The following TDRD3 variants were observed in gnomAD, a reference collection of about 807,000 sequenced individuals.
The protein encoded by TDRD3 is tudor domain containing 3, also known as tudor domain-containing protein 3.
TDRD3 carries 45 observed loss-of-function variants against 86.7 expected under a neutral mutation model. The ratio of observed to expected loss-of-function variants is 0.52; its 90% CI spans 0.41 to 0.67. The LOEUF is 0.67. Ranked by LOEUF, TDRD3 falls within the 30% of genes least tolerant of loss-of-function variation. The pLI, the probability that TDRD3 is intolerant of heterozygous loss-of-function variation, is 0.00. For synonymous variants in TDRD3, 298 were observed against 301.7 expected (o/e 0.99, Z 0.13); for missense variants, 814 against 889.0 (o/e 0.92, Z 1.07).
chr13:60,451,583 A>G (rs1955543363), intron 3 of TDRD3, among the ~76,000 whole-genome samples: 1 of 152,132 alleles, frequency 6.6e-6, no homozygotes. Flanking sequence ...TATTTTACCA[A>G]CACACCTCTG....
chr13:60,528,460 A>C lies in TDRD3; in HGVS notation c.1235A>C (p.His412Pro). ...NGVKDNNHLR[H>P]PPRNDTRQPR... Reference sequence around the variant, plus strand: ...GTAAAAGATAATAATCATCTGAGACATCCTCCTCGAAATGATACCAGGCAG... The same window carrying C: ...GTAAAAGATAATAATCATCTGAGACCTCCTCCTCGAAATGATACCAGGCAG... The change falls in exon 11 of 14, where the codon CAT (histidine) becomes CCT (proline). Residue 412 changes from histidine (H) to proline (P), a missense_variant. Coordinates refer to ENST00000377881, the MANE Select transcript of TDRD3 (RefSeq NM_001146070.2). The C allele has an allele frequency of 6.2e-7, 1 of 1,614,052 alleles. No individual in the cohort carries two copies. The highest frequency in any genetic ancestry group is 8.5e-7 in the Non-Finnish European group (1 of 1,179,956).
rs943316341 is a variant in TDRD3 at position 60,494,293 on chromosome 13, A to T, written c.718-142A>T. ...GTAGATATTTTTGCTATTCAAAAGG[A>T]GTAAGTTAATATTTTATTTTTTCAT... On this transcript the variant is annotated intron_variant, in intron 7 of 13. Coordinates refer to ENST00000377881, the MANE Select transcript of TDRD3 (RefSeq NM_001146070.2). The T allele has an allele frequency of 4.5e-6, 4 of 892,546 alleles. No individual in the cohort carries two copies. In the African/African-American group the frequency reaches 6.7e-5, roughly 15 times the overall value. 55.3% of individuals were successfully genotyped at this position (892,546 alleles called of 1,614,324 possible).
intron 12 of TDRD3, chr13:60,547,514 G>T (rs890603775): frequency 5.4e-6 from 3 of 555,812 alleles, no homozygotes; most frequent in Non-Finnish European, 4.6e-6. Flanking sequence ...ATATCTCTGG[G>T]TCCCAGTTTC....
intron 8 of TDRD3, among the ~76,000 whole-genome samples, chr13:60,508,426 G>A (rs950571251): frequency 6.6e-6 from 1 of 152,034 alleles, no homozygotes; most frequent in Non-Finnish European, 1.5e-5. Flanking sequence ...CAAATATATA[G>A]ACCAATGGAA....
intron 8 of TDRD3, among the ~76,000 whole-genome samples, chr13:60,504,836 G>T (rs115666509): frequency 7.4e-4 from 112 of 152,300 alleles, no homozygotes; most frequent in African/African-American, 2.5e-3. Flanking sequence ...AGCACAAGGG[G>T]TCGGGGAACT....
rs746242117 is a variant in TDRD3 at position 60,528,565 on chromosome 13, GA to G, written c.1343del (p.Asn448IlefsTer40). 1 of 1,614,006 alleles carries G rather than the reference GA, an allele frequency of 6.2e-7. No homozygotes were observed. Among genetic ancestry groups the G allele is most frequent in the Non-Finnish European group, 8.5e-7 (1 of 1,179,944 alleles). On this transcript the variant is annotated frameshift_variant, in exon 11 of 14. Transcript: ENST00000377881. LOFTEE classifies it high-confidence loss of function. Reference sequence around the variant, plus strand: ...GTTTTAGAAGGCAGTGGATTACCTAGAAATAGAGGTTCTGAAAGACCAAGTA... The same window carrying G: ...GTTTTAGAAGGCAGTGGATTACCTAGAATAGAGGTTCTGAAAGACCAAGTA... Reference protein sequence around the residue: ...KSVLEGSGLPRNRGSERPSTS... With the variant: ...KSVLEGSGLPXNRGSERPSTS...
rs1953940991 is a variant in TDRD3, at chr13:60,397,259, TTTCTTTTC to T, written c.-103_-96del. ...GTTGCAGAGCCGACCAGAGGAGTTT[TTTCTTTTC>T]TTTTCTTTTTTTTTTTTTAAGGGGG... On this transcript the variant is annotated 5_prime_UTR_variant, in exon 1 of 14. It introduces an in-frame stop codon into an upstream open reading frame of the 5' UTR. Coordinates refer to ENST00000377881, the MANE Select transcript of TDRD3 (RefSeq NM_001146070.2). The T allele has an allele frequency of 1.5e-6, 1 of 657,036 alleles. No individual in the cohort carries two copies. The highest frequency in any genetic ancestry group is 1.9e-5 in the African/African-American group (1 of 51,652). The allele number at this position is 657,036 out of a possible 1,614,324, so 40.7% of individuals were successfully genotyped here. A position where few individuals can be genotyped will look rare whatever the true frequency, so the allele number is the denominator to read the frequency against.
chr13:60,472,699 A>G (rs1371614070), intron 5 of TDRD3, among the ~76,000 whole-genome samples: 1 of 152,252 alleles, frequency 6.6e-6, no homozygotes, highest in African/African-American at 2.4e-5. Context: ...CAGGTCTTGA[A>G]GAAATATTTG....
rs562268850 is a variant in TDRD3, at chr13:60,487,407, C to T, written c.717+1459C>T. 3.9e-5 allele frequency among the ~76,000 whole-genome samples: 6 copies of T among 151,978 alleles called. No homozygotes were observed. In the East Asian group the frequency reaches 5.8e-4, roughly 15 times the overall value. ...AAGAGAATCACTTGAACTCGGAAGG[C>T]GGAGGTTGCAGTGAGCCAAGATTGC... On this transcript the variant is annotated intron_variant, in intron 7 of 13. Coordinates refer to ENST00000377881, the MANE Select transcript of TDRD3 (RefSeq NM_001146070.2).
intron 10 of TDRD3, among the ~76,000 whole-genome samples, chr13:60,523,092 T>C (rs371523478): frequency 6.6e-6 from 1 of 152,144 alleles, no homozygotes; most frequent in African/African-American, 2.4e-5. Context: ...CAAAAGACCT[T>C]TAACATAGAG....
At chr13:60,526,600 A>T (rs1394429562) in intron 10 of TDRD3, among the ~76,000 whole-genome samples, 1 of 151,120 alleles carries the variant, frequency 6.6e-6, no homozygotes, top group Non-Finnish European at 1.5e-5. Context: ...TATTAGGCAG[A>T]TATTCTTGGG....
chr13:60,396,354 C>T (rs1028651866), upstream of TDRD3: 5 of 152,256 alleles, frequency 3.3e-5, no homozygotes, highest in Admixed American at 6.5e-5. Context: ...CGTACCCTTC[C>T]GCCTGTTCCT....
chr13:60,478,137 T>C (rs1212403245), intron 5 of TDRD3, among the ~76,000 whole-genome samples: 1 of 152,130 alleles, frequency 6.6e-6, no homozygotes, highest in Non-Finnish European at 1.5e-5. Context: ...ATGCATTTCC[T>C]CTAGATTTTC....
chr13:60,474,379 C>G (rs571571905), intron 5 of TDRD3, among the ~76,000 whole-genome samples: 333 of 152,300 alleles, frequency 2.2e-3, no homozygotes, highest in African/African-American at 7.5e-3. Flanking sequence ...TGGCCCCCCC[C>G]GGGCCCAGCT....
chr13:60,475,170 A>G (rs917589592), intron 5 of TDRD3, among the ~76,000 whole-genome samples: 1 of 151,460 alleles, frequency 6.6e-6, no homozygotes, highest in African/African-American at 2.4e-5. Context: ...GGCTTGGTGT[A>G]TCAAAGATCC....
At chr13:60,556,575 G>A (rs1958190596) in intron 12 of TDRD3, among the ~76,000 whole-genome samples, 1 of 152,174 alleles carries the variant, frequency 6.6e-6, no homozygotes, top group Admixed American at 6.5e-5. Flanking sequence ...CACAATATGA[G>A]TGACCAGTAA....
intron 1 of TDRD3, among the ~76,000 whole-genome samples, chr13:60,422,196 A>G (rs1954676115): frequency 6.6e-6 from 1 of 152,194 alleles, no homozygotes; most frequent in African/African-American, 2.4e-5. Context: ...TGGCAATTGG[A>G]TAATGAAGAG....
intron 4 of TDRD3, among the ~76,000 whole-genome samples, chr13:60,465,528 C>T (rs767018152): frequency 6.6e-6 from 1 of 151,954 alleles, no homozygotes; most frequent in Non-Finnish European, 1.5e-5. Flanking sequence ...TTGGGGCCCT[C>T]AAAATAATTT....
At chr13:60,427,255 T>G (rs747491717) in intron 1 of TDRD3, among the ~76,000 whole-genome samples, 3 of 152,206 alleles carry the variant, frequency 2.0e-5, no homozygotes, top group African/African-American at 7.2e-5. Flanking sequence ...ATTGATTTTG[T>G]TTTTTCTTCA....
Sources: allele counts gnomAD v4.1 joint callset (sites outside exome capture counted in the v4.1 genomes callset), GRCh38; gene constraint gnomAD v4.1.1; transcripts MANE v1.5; gene names NCBI Gene and HGNC (gene_info 2026-07-23, HGNC 2026-07-21).